GARRE1: variants seen among roughly 807,000 people sequenced by gnomAD.
GARRE1 encodes granule associated Rac and RHOG effector protein 1.
In GARRE1, 49 loss-of-function variants were observed where a neutral mutation model predicts 103.2. That is an observed-to-expected ratio of 0.47 (90% CI 0.38 to 0.60). The LOEUF is 0.60. Among genes scored for constraint, GARRE1 ranks in the 20% least tolerant of loss-of-function variants. GARRE1 has a pLI of 0.00. For synonymous variants in GARRE1, 505 were observed against 532.8 expected (o/e 0.95, Z 0.72); for missense variants, 1,199 against 1,370.5 (o/e 0.87, Z 1.98).
At chr19:34,308,238 CTTT>C (rs753284001) in intron 2 of GARRE1, among the ~76,000 whole-genome samples, 1 of 99,484 alleles carries the variant, frequency 1.0e-5, no homozygotes, top group Non-Finnish European at 2.1e-5. Flanking sequence ...CATCCTGTTC[CTTT>C]TTTTTTTTTT....
At chr19:34,333,677 GTTT>G (rs74177138) in intron 7 of GARRE1, 24 bp from the exon 8 acceptor site, 881 of 670,114 alleles carry the variant, frequency 1.3e-3, no homozygotes, top group East Asian at 1.6e-3. Flanking sequence ...GTTGTTATTT[GTTT>G]TTTTTTTTTT....
chr19:34,281,599 G>T (rs541692166), intron 1 of GARRE1, among the ~76,000 whole-genome samples: 6 of 152,000 alleles, frequency 3.9e-5, no homozygotes, highest in Non-Finnish European at 7.4e-5. Context: ...AATTTTGTTT[G>T]TGTGTTATAG....
At chr19:34,278,444 C>CAAAA (rs71165640) in intron 1 of GARRE1, among the ~76,000 whole-genome samples, 2 of 57,100 alleles carry the variant, frequency 3.5e-5, no homozygotes, top group Admixed American at 2.2e-4. Flanking sequence ...GACTCCATCT[C>CAAAA]AAAAAAAAAA....
intron 3 of GARRE1, among the ~76,000 whole-genome samples, chr19:34,320,550 G>A (rs953169741): frequency 2.6e-5 from 4 of 152,178 alleles, no homozygotes; most frequent in Non-Finnish European, 4.4e-5. Flanking sequence ...CGAGGCAGGC[G>A]AGCAGGAGTG....
At chr19:34,263,269 T>G (rs571095758) in intron 1 of GARRE1, among the ~76,000 whole-genome samples, 65 of 131,810 alleles carry the variant, frequency 4.9e-4, no homozygotes, top group African/African-American at 1.7e-3. Context: ...GATAGAGAGA[T>G]AGATAGATAG....
intron 3 of GARRE1, among the ~76,000 whole-genome samples, chr19:34,323,969 T>C (rs907377750): frequency 6.6e-6 from 1 of 152,204 alleles, no homozygotes; most frequent in Non-Finnish European, 1.5e-5. Flanking sequence ...CTTCCTCATG[T>C]GGCCAAGCCA....
At chr19:34,303,318 C>G (rs1037107336) in intron 2 of GARRE1, among the ~76,000 whole-genome samples, 1 of 152,200 alleles carries the variant, frequency 6.6e-6, no homozygotes, top group Non-Finnish European at 1.5e-5. Context: ...GTTCCTTACC[C>G]CATCCTGGGG....
In GARRE1 at chr19:34,319,928, A is replaced by G; in HGVS notation, c.517A>G (p.Thr173Ala). 6.2e-7 allele frequency: 1 copy of G among 1,614,210 alleles called. No individual in the cohort carries two copies. Among genetic ancestry groups the G allele is most frequent in the Non-Finnish European group, 8.5e-7 (1 of 1,180,034 alleles). ...DIEVLGRCFLTVVQVHFQFLT... is the reference protein window; with the variant it reads ...DIEVLGRCFLAVVQVHFQFLT... ...ACAGGTGTTGGGGCGATGTTTCCTG[A>G]CTGTGGTGCAAGTCCATTTCCAGTT... is the stretch of plus-strand genomic sequence containing the variant. The change falls in exon 3 of 14, where the codon ACT becomes GCT. Residue 173 changes from threonine (T) to alanine (A), a missense_variant. By Grantham distance (58) the Thr-to-Ala change is moderately conservative (BLOSUM62 0). Transcript: ENST00000299505.
intron 1 of GARRE1, among the ~76,000 whole-genome samples, chr19:34,257,409 C>G (rs1202656450): frequency 6.6e-6 from 1 of 151,986 alleles, no homozygotes; most frequent in African/African-American, 2.4e-5. Context: ...GCAATCTTGG[C>G]TTACTGCAAC....
chr19:34,255,471 A>C (rs2073666103), intron 1 of GARRE1, among the ~76,000 whole-genome samples: 1 of 152,228 alleles, frequency 6.6e-6, no homozygotes, highest in African/African-American at 2.4e-5. Flanking sequence ...AAAAGTCTTA[A>C]GGTAGAAAAT....
chr19:34,274,027 G>A (rs770959525), intron 1 of GARRE1, among the ~76,000 whole-genome samples: 7 of 152,122 alleles, frequency 4.6e-5, no homozygotes, highest in East Asian at 3.9e-4. Flanking sequence ...CTCAGGAGGC[G>A]CCTCCATAAT....
intron 1 of GARRE1, among the ~76,000 whole-genome samples, chr19:34,269,325 G>A (rs2073772350): frequency 6.6e-6 from 1 of 152,154 alleles, no homozygotes. Context: ...ACTGCATCCT[G>A]GGTGCCTGGA....
At position 34,316,046 on chromosome 19, in the gene GARRE1, G is replaced by T. The variant is rs1272786853; in HGVS notation, c.496-3861G>T. Among the ~76,000 whole-genome samples the T allele has an allele frequency of 6.5e-4, 99 of 152,142 alleles. 1 individual carries two copies. Among genetic ancestry groups the T allele is most frequent in the Non-Finnish European group, 1.3e-4 (9 of 68,020 alleles). On this transcript the variant is annotated intron_variant, in intron 2 of 13. Coordinates refer to ENST00000299505, the MANE Select transcript of GARRE1 (RefSeq NM_014686.5). ...TTCATTCTGGATCTTGTCATAGGTA[G>T]AAAGAGTAGCCTGGTGGTTAGCAAC...
chr19:34,272,339 C>CA (rs2073792799), intron 1 of GARRE1, among the ~76,000 whole-genome samples: 1 of 152,156 alleles, frequency 6.6e-6, no homozygotes, highest in African/African-American at 2.4e-5. Context: ...GCTGGGATCA[C>CA]AGGCGCCCAC....
rs1210608806 is a variant in GARRE1 at position 34,300,307 on chromosome 19, G to T, written c.-167G>T. On this transcript the variant is annotated 5_prime_UTR_variant, in exon 2 of 14. Coordinates refer to ENST00000299505, the MANE Select transcript of GARRE1 (RefSeq NM_014686.5). The stretch of plus-strand genomic sequence containing the variant: ...AAAATATTAATTATATAAACCTGTT[G>T]TCTCTCACCTCTACATTGGATCACA... 6.5e-6 allele frequency: 4 copies of T among 617,382 alleles called. No homozygotes were observed. Among genetic ancestry groups the T allele is most frequent in the Non-Finnish European group, 1.1e-5 (4 of 372,426 alleles). The allele number at this position is 617,382 out of a possible 1,614,324, so 38.2% of individuals were successfully genotyped here. A position where few individuals can be genotyped will look rare whatever the true frequency, so the allele number is the denominator to read the frequency against.
intron 11 of GARRE1, 197 bp downstream of exon 11, chr19:34,348,239 G>C (rs1196419350): frequency 7.1e-6 from 3 of 419,682 alleles, no homozygotes; most frequent in African/African-American, 2.0e-5. Flanking sequence ...CAAGTAGTGT[G>C]ATGTATCCCT....
rs556209154 is a variant in GARRE1, at chr19:34,263,168, G to A, written c.-796+8554G>A. 3.4e-4 allele frequency among the ~76,000 whole-genome samples: 51 copies of A among 152,128 alleles called. No homozygotes were observed. In the South Asian group the frequency reaches 9.1e-3, roughly 27 times the overall value. On this transcript the variant is annotated intron_variant, in intron 1 of 13. Transcript: ENST00000299505. ...GTGGAGGTTGCAGTGAGCCAAGATC[G>A]TGCCACTGCACTCCAGCCTGGGTGA... is the stretch of plus-strand genomic sequence containing the variant.
chr19:34,309,007 G>A (rs1198736273), intron 2 of GARRE1, among the ~76,000 whole-genome samples: 1 of 151,804 alleles, frequency 6.6e-6, no homozygotes, highest in Non-Finnish European at 1.5e-5. Context: ...AGGTCATCAC[G>A]TCTCCTGATG....
Position 34,319,890 on chromosome 19 carries a change from C to T in GARRE1, c.496-17C>T. On this transcript the variant is annotated splice_polypyrimidine_tract_variant and intron_variant, in intron 2 of 13. Transcript: ENST00000299505. ...CAACCCACAACCTAAACATCCCTGGCTGTCTTGTTTTCACAGGTGTTGGGG... is the reference window on the plus strand; with the variant it reads ...CAACCCACAACCTAAACATCCCTGGTTGTCTTGTTTTCACAGGTGTTGGGG... 2.5e-6 allele frequency: 4 copies of T among 1,611,698 alleles called. No individual in the cohort carries two copies. Among genetic ancestry groups the T allele is most frequent in the Admixed American group, 1.7e-5 (1 of 60,012 alleles).
Sources: gnomAD v4.1 joint callset for allele counts (sites outside exome capture counted in the v4.1 genomes callset) on GRCh38, gnomAD v4.1.1 for gene constraint, MANE v1.5 for transcripts, NCBI Gene and HGNC (gene_info 2026-07-23, HGNC 2026-07-21) for gene names.